Variants in CD79B observed in about 807,000 individuals in gnomAD.
CD79B encodes B-cell antigen receptor complex-associated protein beta chain.
In CD79B, 7 loss-of-function variants were observed where a neutral mutation model predicts 30.0. That is an observed-to-expected ratio of 0.23 (90% CI 0.13 to 0.44). The LOEUF is 0.44. Among genes scored for constraint, CD79B ranks in the 20% least tolerant of loss-of-function variants. The probability of loss-of-function intolerance (pLI) is 1.00; values close to 1 mark genes in which losing one functional copy is unlikely to be tolerated. For synonymous variants in CD79B, 118 were observed against 119.2 expected, an observed-to-expected ratio of 0.99 and a Z score of 0.07; for missense variants, 218 against 299.1, an observed-to-expected ratio of 0.73 and a Z score of 2.00.
intron 2 of CD79B, 43 bp downstream of exon 2, chr17:63,931,292 C>T (rs1371859122): frequency 4.4e-6 from 7 of 1,598,166 alleles, no homozygotes; most frequent in South Asian, 1.1e-5. Flanking sequence ...AGGACATAGT[C>T]GCACACAACT....
chr17:63,931,352 C>T lies in CD79B; in HGVS notation c.101G>A (p.Arg34Gln), dbSNP rs371573435. Residue 34 changes from arginine (R) to glutamine (Q), a missense_variant, in exon 2 of 6, where the codon CGG becomes CAG. By Grantham distance (43) the Arg-to-Gln change is conservative. Transcript: ENST00000006750. ...CTACTGACCTTTGGGATTCCGGTACCGGTCCTCCGATCTGGCTGCTGGTAC... is the reference window on the plus strand; with the variant it reads ...CTACTGACCTTTGGGATTCCGGTACTGGTCCTCCGATCTGGCTGCTGGTAC... Reference protein sequence around the residue: ...EPVPAARSEDRYRNPKGSACS... With the variant: ...EPVPAARSEDQYRNPKGSACS... The T allele has an allele frequency of 1.2e-5, 20 of 1,613,884 alleles. No homozygotes were observed. The highest frequency in any genetic ancestry group is 5.0e-5 in the Admixed American group (3 of 60,006).
intron 1 of CD79B, chr17:63,931,853 G>A (rs542493894): frequency 3.3e-4 from 150 of 453,494 alleles, no homozygotes; most frequent in African/African-American, 2.7e-3. Flanking sequence ...GGGTCCGGTT[G>A]GGACAGCCTC....
intron 2 of CD79B, 165 bp downstream of exon 2, chr17:63,931,170 G>T: frequency 1.4e-6 from 1 of 715,506 alleles, no homozygotes; most frequent in Non-Finnish European, 2.6e-6. Flanking sequence ...TGGGCTGGGG[G>T]TGGGGCTCAG....
rs150429226 is a variant in CD79B, at chr17:63,931,323, G to A, written c.118+12C>T. ...CAACTTGCCCTCAGAAGCGGCAGGC[G>A]AGGCTACTGACCTTTGGGATTCCGG... On this transcript the variant is annotated intron_variant, in intron 2 of 5. Transcript: ENST00000006750. 4.5e-4 allele frequency: 719 copies of A among 1,613,706 alleles called. 6 individuals are homozygous for A. In the African/African-American group the frequency reaches 8.8e-3, roughly 20 times the overall value.
rs1286534169 is a variant in CD79B, at chr17:63,932,278, C to T, written c.-17G>A. 3.1e-6 allele frequency: 5 copies of T among 1,610,630 alleles called. No individual in the cohort carries two copies. The highest frequency in any genetic ancestry group is 4.2e-6 in the Non-Finnish European group (5 of 1,179,624). ...CCTGGCCATGGTCACCGCTCTGTCCCCGACCCCAAACCCGTGACAACGTCC... is the reference window on the plus strand; with the variant it reads ...CCTGGCCATGGTCACCGCTCTGTCCTCGACCCCAAACCCGTGACAACGTCC... On this transcript the variant is annotated 5_prime_UTR_variant, in exon 1 of 6. Transcript: ENST00000006750.
chr17:63,931,466 T>G, intron 1 of CD79B, 81 bp from the exon 2 acceptor site: 5 of 1,316,514 alleles, frequency 3.8e-6, no homozygotes, highest in Non-Finnish European at 5.5e-6. Context: ...GCCCTCTATG[T>G]TCCCGGAGCT....
intron 1 of CD79B, among the ~76,000 whole-genome samples, chr17:63,931,593 C>T (rs1374251556): frequency 6.6e-6 from 1 of 152,222 alleles, no homozygotes; most frequent in Non-Finnish European, 1.5e-5. Flanking sequence ...CCCTTTCTGC[C>T]TTTGACCCTC....
rs372665115 is a variant in CD79B at position 63,929,330 on chromosome 17, G to A, written c.592-6C>T. On this transcript the variant is annotated splice_region_variant and splice_polypyrimidine_tract_variant and intron_variant, in intron 5 of 5. Transcript: ENST00000006750. ...GTCTGGTCAATGTCCAGGCCCTGGA[G>A]ACATTAAGTGGAACTCAGGCCGGGA... is the stretch of plus-strand genomic sequence containing the variant. 6.2e-7 allele frequency: 1 copy of A among 1,612,548 alleles called. No homozygotes were observed. The highest frequency in any genetic ancestry group is 1.1e-5 in the South Asian group (1 of 91,050).
In CD79B at chr17:63,929,878, G is replaced by A; in HGVS notation, c.441C>T (p.Thr147=). 2 of 1,612,460 alleles carry A rather than the reference G, an allele frequency of 1.2e-6. No homozygotes were observed. The highest frequency in any genetic ancestry group is 1.3e-5 in the African/African-American group (1 of 75,014). The change falls in exon 4 of 6, where the codon ACC becomes ACT. Residue 147 remains threonine (T), a synonymous_variant. Transcript: ENST00000006750. ...TGTTCCTCTGCTTCAGCTGTGCCAA[G>A]GTGCTGAATCCTGCGGGGACAGGGG... is the stretch of plus-strand genomic sequence containing the variant. The part of the protein sequence containing the change: ...GTELRVMGFS[T]LAQLKQRNTL...
Position 63,930,207 on chromosome 17 carries a change from G to GGACT in CD79B, c.293_296dup (p.Gln100ValfsTer17). 6.2e-7 allele frequency: 1 copy of GGACT among 1,614,168 alleles called. No homozygotes were observed. The highest frequency in any genetic ancestry group is 8.5e-7 in the Non-Finnish European group (1 of 1,180,024). ...TGAGGGTGGCGAGAGATTCGTTCTG[G>GGACT]GACTCTTCCATGCGGCCCTTTTCCA... On this transcript the variant is annotated frameshift_variant, in exon 3 of 6. Coordinates refer to ENST00000006750, the MANE Select transcript of CD79B (RefSeq NM_000626.4). LOFTEE classifies it high-confidence loss of function.
intron 2 of CD79B, 167 bp from the exon 3 acceptor site, chr17:63,930,552 C>G (rs1329041825): frequency 1.5e-6 from 1 of 666,898 alleles, no homozygotes; most frequent in South Asian, 1.7e-5. Flanking sequence ...AGCAGAGCCA[C>G]GTGAGAGGCT....
At chr17:63,931,194 G>C in intron 2 of CD79B, 141 bp downstream of exon 2, 1 of 806,310 alleles carries the variant, frequency 1.2e-6, no homozygotes, top group Non-Finnish European at 2.2e-6. Flanking sequence ...AGATCCTAAG[G>C]AGGCCTGGGG....
Position 63,930,408 on chromosome 17 carries a change from C to T in CD79B, c.119-23G>A, listed in dbSNP as rs761002627. ...TACCTGTGGGTGCCAAGGCCAGGCT[C>T]AGCATTCCGCTTGGCATCTTCCTGA... On this transcript the variant is annotated intron_variant, in intron 2 of 5. Coordinates refer to ENST00000006750, the MANE Select transcript of CD79B (RefSeq NM_000626.4). 18 of 1,608,894 alleles carry T rather than the reference C, an allele frequency of 1.1e-5. 1 individual carries two copies. In the South Asian group the frequency reaches 1.8e-4, roughly 16 times the overall value.
chr17:63,929,532 G>A, intron 4 of CD79B, 57 bp from the exon 5 acceptor site: 8 of 1,589,554 alleles, frequency 5.0e-6, no homozygotes, highest in Non-Finnish European at 6.9e-6. Flanking sequence ...CCCATCCCCT[G>A]CTGGGCCAGG....
chr17:63,929,206 G>T lies in CD79B; in HGVS notation c.*20C>A, dbSNP rs368226880. 4.4e-5 allele frequency: 68 copies of T among 1,551,950 alleles called. No individual in the cohort carries two copies. The highest frequency in any genetic ancestry group is 5.6e-5 in the Non-Finnish European group (63 of 1,123,418). ...CTGAGGCCAGGGAGCCTGCACCCAGGTCATGGGGCGACCTGGCTCTCACTC... is the reference window on the plus strand; with the variant it reads ...CTGAGGCCAGGGAGCCTGCACCCAGTTCATGGGGCGACCTGGCTCTCACTC... On this transcript the variant is annotated 3_prime_UTR_variant, in exon 6 of 6. Transcript: ENST00000006750.
chr17:63,931,029 C>A (rs1908091385), intron 2 of CD79B: 1 of 454,630 alleles, frequency 2.2e-6, no homozygotes, highest in South Asian at 2.1e-5. Context: ...CGAGACTCAG[C>A]CAGATTCCCA....
intron 1 of CD79B, chr17:63,931,952 T>C (rs923774732): frequency 1.7e-6 from 1 of 588,798 alleles, no homozygotes; most frequent in South Asian, 1.9e-5. Context: ...TCTGGTTTGC[T>C]CCTCATGCCC....
chr17:63,929,021 C>T lies in CD79B; in HGVS notation c.*205G>A. The T allele has an allele frequency of 1.6e-6, 1 of 610,318 alleles. No homozygotes were observed. The highest frequency in any genetic ancestry group is 2.9e-6 in the Non-Finnish European group (1 of 341,196). The allele number at this position is 610,318 out of a possible 1,614,324, so 37.8% of individuals were successfully genotyped here. On this transcript the variant is annotated 3_prime_UTR_variant, in exon 6 of 6. Coordinates refer to ENST00000006750, the MANE Select transcript of CD79B (RefSeq NM_000626.4). Reference sequence around the variant, plus strand: ...CCGTCCATCCCCAGAGAACTCCCTCCAAGTTGCTGCCCTGTTGTCCTTCTA... The same window carrying T: ...CCGTCCATCCCCAGAGAACTCCCTCTAAGTTGCTGCCCTGTTGTCCTTCTA...
chr17:63,929,593 G>A (rs1353243539), intron 4 of CD79B, 118 bp from the exon 5 acceptor site: 1 of 1,114,332 alleles, frequency 9.0e-7, no homozygotes, highest in East Asian at 2.4e-5. Context: ...GGTGCATTCT[G>A]CAAGAACAGC....
Sources: gnomAD v4.1 joint callset for allele counts (sites outside exome capture counted in the v4.1 genomes callset) on GRCh38, gnomAD v4.1.1 for gene constraint, MANE v1.5 for transcripts, NCBI Gene and HGNC (gene_info 2026-07-23, HGNC 2026-07-21) for gene names.